LPP: variants seen among roughly 807,000 people sequenced by gnomAD.
LPP encodes lipoma-preferred partner.
Under a neutral mutation model 60.4 loss-of-function variants are expected in LPP, and 38 were observed. That is an observed-to-expected ratio of 0.63 (90% CI 0.49 to 0.83). LPP has a LOEUF of 0.83. Among genes scored for constraint, LPP ranks in the 40% least tolerant of loss-of-function variants. LPP has a pLI of 0.00. For missense variants in LPP, 902 were observed against 783.6 expected, an observed-to-expected ratio of 1.15 and a Z score of -1.80; for synonymous variants, 328 against 290.8, an observed-to-expected ratio of 1.13 and a Z score of -1.30.
At chr3:188,581,375 A>G (rs570388136) in intron 6 of LPP, among the ~76,000 whole-genome samples, 1 of 152,230 alleles carries the variant, frequency 6.6e-6, no homozygotes, top group African/African-American at 2.4e-5. Context: ...TGGAAACAGA[A>G]CCACAGTGGG....
chr3:188,433,536 A>T (rs1791476718), intron 4 of LPP, among the ~76,000 whole-genome samples: 1 of 151,662 alleles, frequency 6.6e-6, no homozygotes, highest in African/African-American at 2.4e-5. Context: ...AGAAAAAAAT[A>T]TTCTGATAGT....
chr3:188,618,587 A>C (rs1845271566), intron 7 of LPP, among the ~76,000 whole-genome samples: 1 of 152,156 alleles, frequency 6.6e-6, no homozygotes, highest in Non-Finnish European at 1.5e-5. Context: ...GAGTTGTCCA[A>C]ACATAAAATA....
chr3:188,234,726 C>T (rs755347658), intron 2 of LPP, among the ~76,000 whole-genome samples: 14 of 152,320 alleles, frequency 9.2e-5, no homozygotes, highest in Middle Eastern at 3.4e-3. Context: ...AAACACAAGA[C>T]TACTCAAACT....
chr3:188,669,512 C>G (rs1209865758), intron 7 of LPP, among the ~76,000 whole-genome samples: 1 of 152,012 alleles, frequency 6.6e-6, no homozygotes, highest in East Asian at 1.9e-4. Context: ...GGAGGCGGAG[C>G]TTGCAGTGAG....
chr3:188,806,516 ATT>A (rs1749190424), intron 9 of LPP, among the ~76,000 whole-genome samples: 1 of 151,820 alleles, frequency 6.6e-6, no homozygotes, highest in South Asian at 2.1e-4. Flanking sequence ...CTGTATTTTA[ATT>A]TGTGTGTTTA....
chr3:188,545,767 C>A (rs1826476888), intron 6 of LPP, among the ~76,000 whole-genome samples: 1 of 152,010 alleles, frequency 6.6e-6, no homozygotes, highest in Admixed American at 6.6e-5. Flanking sequence ...GTAGAAATGC[C>A]AGCATTGTTA....
At chr3:188,374,632 T>A (rs1774376940) in intron 3 of LPP, among the ~76,000 whole-genome samples, 1 of 152,192 alleles carries the variant, frequency 6.6e-6, no homozygotes, top group South Asian at 2.1e-4. Flanking sequence ...TTTCTAGATA[T>A]ACAATCATGT....
In LPP at chr3:188,609,101, T is replaced by C; in HGVS notation, c.430-60T>C. The C allele has an allele frequency of 8.3e-7, 1 of 1,205,100 alleles. No homozygotes were observed. 74.7% of individuals were successfully genotyped at this position (1,205,100 alleles called of 1,614,324 possible). On this transcript the variant is annotated intron_variant, in intron 6 of 11. Transcript: ENST00000617246. This position sits in a 1 kb window ranked among gnomAD's most constrained non-coding sequence, Gnocchi z 6.9. ...ATATTTTTCATTTATTCATTTTTATTGAGTTTCGTTGGCAGTAATTTTTGC... is the reference window on the plus strand; with the variant it reads ...ATATTTTTCATTTATTCATTTTTATCGAGTTTCGTTGGCAGTAATTTTTGC...
intron 2 of LPP, among the ~76,000 whole-genome samples, chr3:188,240,462 C>G (rs2149449503): frequency 6.6e-6 from 1 of 151,918 alleles, no homozygotes; most frequent in Non-Finnish European, 1.5e-5. Flanking sequence ...ACTTCATAGG[C>G]ACAGAATTTC....
chr3:188,580,240 A>G (rs1051058627), intron 6 of LPP, among the ~76,000 whole-genome samples: 18 of 151,432 alleles, frequency 1.2e-4, no homozygotes, highest in African/African-American at 3.9e-4. Context: ...TTGTTTCTCA[A>G]TTAAAAAAAA....
chr3:188,203,591 TTA>T (rs1463438096), intron 1 of LPP, among the ~76,000 whole-genome samples: 1 of 108,836 alleles, frequency 9.2e-6, no homozygotes, highest in East Asian at 2.5e-4. Flanking sequence ...ATATATATAT[TTA>T]AATATATATA....
chr3:188,571,538 A>G (rs1045348733), intron 6 of LPP, among the ~76,000 whole-genome samples: 2 of 152,126 alleles, frequency 1.3e-5, no homozygotes, highest in African/African-American at 4.8e-5. Context: ...ACAGCCCATT[A>G]TGTAAACTGT....
chr3:188,189,722 G>A (rs1727602294), intron 1 of LPP, among the ~76,000 whole-genome samples: 1 of 152,152 alleles, frequency 6.6e-6, no homozygotes, highest in Non-Finnish European at 1.5e-5. Context: ...GTCTGGCTGG[G>A]AAGTAGGTCA....
rs1560308307 is a variant in LPP, at chr3:188,862,723, ATAAATAAAT to A, written c.1411-3476_1411-3468del. 3.0e-3 allele frequency among the ~76,000 whole-genome samples: 321 copies of A among 106,006 alleles called. 13 individuals carry two copies. Among genetic ancestry groups the A allele is most frequent in the African/African-American group, 8.6e-3 (267 of 31,114 alleles). 69.5% of individuals were successfully genotyped at this position (106,006 alleles called of 152,430 possible). On this transcript the variant is annotated intron_variant, in intron 9 of 11. Coordinates refer to ENST00000617246, the MANE Select transcript of LPP (RefSeq NM_001375462.1). The stretch of plus-strand genomic sequence containing the variant: ...GCAACCCTACTAGACAAAAAAATAA[ATAAATAAAT>A]AAATAAAAGAAAAAAGAAAAGAAAG...
At chr3:188,773,162 T>G (rs568907321) in intron 9 of LPP, among the ~76,000 whole-genome samples, 1 of 152,254 alleles carries the variant, frequency 6.6e-6, no homozygotes, top group African/African-American at 2.4e-5. Flanking sequence ...TGGGACACGG[T>G]AATTCCTTCC....
chr3:188,679,519 CTGT>C (rs1003094930), intron 7 of LPP, among the ~76,000 whole-genome samples: 16 of 143,204 alleles, frequency 1.1e-4, no homozygotes, highest in African/African-American at 4.2e-4. Flanking sequence ...TTTGAATACT[CTGT>C]GTGTGTGTGT....
intron 1 of LPP, among the ~76,000 whole-genome samples, chr3:188,192,392 G>A (rs1445763076): frequency 6.6e-6 from 1 of 152,204 alleles, no homozygotes; most frequent in Non-Finnish European, 1.5e-5. Context: ...GAGCACAGTC[G>A]TCCTGTTAAC....
intron 9 of LPP, among the ~76,000 whole-genome samples, chr3:188,802,824 G>A (rs1030526298): frequency 1.3e-5 from 2 of 151,900 alleles, no homozygotes; most frequent in African/African-American, 2.4e-5. Context: ...ATTGCATATG[G>A]ATAAATTTAC....
At chr3:188,529,609 G>C (rs1269717258) in intron 6 of LPP, among the ~76,000 whole-genome samples, 1 of 152,156 alleles carries the variant, frequency 6.6e-6, no homozygotes, top group Non-Finnish European at 1.5e-5. Flanking sequence ...TTATTCTAGG[G>C]AGTATTTTCC....
Sources: gnomAD v4.1 joint callset for allele counts (sites outside exome capture counted in the v4.1 genomes callset) on GRCh38, gnomAD v4.1.1 for gene constraint, Gnocchi (gnomAD v3.1) non-coding constraint, MANE v1.5 for transcripts, NCBI Gene and HGNC (gene_info 2026-07-23, HGNC 2026-07-21) for gene names.